Variants in ATP2C1 observed in about 807,000 individuals in gnomAD.
ATP2C1 encodes the protein ATPase secretory pathway Ca2+ transporting 1, also known as calcium-transporting ATPase type 2C member 1.
A neutral mutation model predicts 120.5 loss-of-function variants in ATP2C1; 31 were observed. The ratio of observed to expected loss-of-function variants is 0.26; its 90% CI spans 0.19 to 0.35. The LOEUF (loss-of-function observed/expected upper bound fraction) is 0.35, where lower values mean the gene tolerates loss of function less well. ATP2C1 is among the 10% of genes least tolerant of loss of function. The pLI, the probability that ATP2C1 is intolerant of heterozygous loss-of-function variation, is 1.00. For synonymous variants in ATP2C1, 351 were observed against 358.7 expected (o/e 0.98, Z 0.24); for missense variants, 731 against 1,107.5 (o/e 0.66, Z 4.83).
intron 18 of ATP2C1, among the ~76,000 whole-genome samples, chr3:130,977,802 C>T (rs2061588247): frequency 6.6e-6 from 1 of 152,136 alleles, no homozygotes. Context: ...CATCCTCCCC[C>T]TGAGATTACC....
chr3:130,863,249 G>A (rs1287901794), intron 1 of ATP2C1, among the ~76,000 whole-genome samples: 1 of 152,124 alleles, frequency 6.6e-6, no homozygotes, highest in African/African-American at 2.4e-5. Context: ...TAAATAATAT[G>A]TTGAAGATAT....
rs958183430 is a variant in ATP2C1, at chr3:130,899,326, A to C, written c.6+4551A>C. 2.0e-5 allele frequency: 3 copies of C among 152,330 alleles called. No homozygotes were observed. The South Asian group carries it at 6.2e-4, about 32-fold the overall frequency. The allele number at this position is 152,330 out of a possible 1,614,324, so 9.4% of individuals were successfully genotyped here. A position where few individuals can be genotyped will look rare whatever the true frequency, so the allele number is the denominator to read the frequency against. On this transcript the variant is annotated intron_variant, in intron 2 of 27. Transcript: ENST00000510168. ...TGGAAGCCTCACTGATAACATAAACAGTCAATTAACACATACTTTGTATGC... is the reference window on the plus strand; with the variant it reads ...TGGAAGCCTCACTGATAACATAAACCGTCAATTAACACATACTTTGTATGC...
chr3:130,968,697 A>C (rs1225933429), intron 16 of ATP2C1, among the ~76,000 whole-genome samples: 1 of 152,186 alleles, frequency 6.6e-6, no homozygotes, highest in Non-Finnish European at 1.5e-5. Flanking sequence ...GTTTCAGTAG[A>C]AAGTAGAAAG....
chr3:130,940,362 TAGTC>T (rs1165008462), intron 6 of ATP2C1, among the ~76,000 whole-genome samples: 1 of 152,246 alleles, frequency 6.6e-6, no homozygotes, highest in Non-Finnish European at 1.5e-5. Context: ...TTGGACATAC[TAGTC>T]AGTTTTCATT....
chr3:130,993,671 G>A (rs1175939665), intron 21 of ATP2C1, among the ~76,000 whole-genome samples: 1 of 152,172 alleles, frequency 6.6e-6, no homozygotes, highest in African/African-American at 2.4e-5. Flanking sequence ...AATTGCCCCT[G>A]GTTGAGAATC....
chr3:130,867,389 C>T (rs1216123977), intron 1 of ATP2C1, among the ~76,000 whole-genome samples: 5 of 151,276 alleles, frequency 3.3e-5, no homozygotes, highest in Admixed American at 1.3e-4. Flanking sequence ...GCTGCCATCT[C>T]GGCTCACTGC....
chr3:130,861,710 G>A (rs2068019695), intron 1 of ATP2C1, among the ~76,000 whole-genome samples: 1 of 151,992 alleles, frequency 6.6e-6, no homozygotes, highest in African/African-American at 2.4e-5. Flanking sequence ...CAGTAAAATT[G>A]AGACATAAAA....
intron 6 of ATP2C1, among the ~76,000 whole-genome samples, chr3:130,938,908 G>A (rs973663204): frequency 1.3e-5 from 2 of 152,098 alleles, no homozygotes; most frequent in African/African-American, 4.8e-5. Context: ...CCACAAAATT[G>A]TGATTTTAAC....
At chr3:130,954,022 A>G (rs1371193253) in intron 9 of ATP2C1, 46 bp downstream of exon 9, 7 of 1,601,528 alleles carry the variant, frequency 4.4e-6, no homozygotes, top group African/African-American at 2.7e-5. Context: ...TTTGTTTGAA[A>G]CTATTTTCTC....
Position 130,972,647 on chromosome 3 carries a change from A to G in ATP2C1, c.1414-2685A>G, listed in dbSNP as rs2061376821. ...CTCCCCCCACCCCACAACAGTCCCC[A>G]GAGTGTTCTTCCTGTGTCCATGTGT... is the stretch of plus-strand genomic sequence containing the variant. On this transcript the variant is annotated intron_variant, in intron 17 of 27. Coordinates refer to ENST00000510168, the MANE Select transcript of ATP2C1 (RefSeq NM_001378687.1). 3.5e-5 allele frequency among the ~76,000 whole-genome samples: 4 copies of G among 113,622 alleles called. No individual in the cohort carries two copies. The South Asian group carries it at 8.9e-4, about 25-fold the overall frequency. The allele number at this position is 113,622 out of a possible 152,430, so 74.5% of individuals were successfully genotyped here. A position where few individuals can be genotyped will look rare whatever the true frequency, so the allele number is the denominator to read the frequency against.
chr3:130,901,599 T>G (rs923692297), intron 2 of ATP2C1, among the ~76,000 whole-genome samples: 1 of 151,954 alleles, frequency 6.6e-6, no homozygotes, highest in African/African-American at 2.4e-5. Context: ...GAAGGTGCCA[T>G]TGATTGTGGT....
intron 1 of ATP2C1, among the ~76,000 whole-genome samples, chr3:130,874,433 TGTC>T (rs1405069419): frequency 1.3e-4 from 20 of 152,316 alleles, no homozygotes; most frequent in African/African-American, 2.4e-4. Context: ...TTTAAGTACT[TGTC>T]GTAACATTTT....
At chr3:130,918,229 T>G (rs887982931) in intron 2 of ATP2C1, 9 of 1,470,420 alleles carry the variant, frequency 6.1e-6, no homozygotes, top group Non-Finnish European at 8.5e-6. Flanking sequence ...TTACTGGGCA[T>G]GAACAAGAGC....
At chr3:130,953,605 C>T (rs2060462146) in intron 8 of ATP2C1, among the ~76,000 whole-genome samples, 1 of 152,122 alleles carries the variant, frequency 6.6e-6, no homozygotes, top group South Asian at 2.1e-4. Flanking sequence ...TCTCATGGTA[C>T]AGCATTCTAC....
At chr3:130,937,508 T>TG in intron 6 of ATP2C1, 45 bp downstream of exon 6, 2 of 1,548,030 alleles carry the variant, frequency 1.3e-6, no homozygotes, top group East Asian at 4.5e-5. Context: ...TGTTAATTGC[T>TG]TAAAAATCAA....
chr3:131,010,416 G>A (rs1248853058), intron 26 of ATP2C1, among the ~76,000 whole-genome samples: 1 of 151,642 alleles, frequency 6.6e-6, no homozygotes, highest in East Asian at 1.9e-4. Context: ...GGATGGTCTC[G>A]ATCTCCTGAC....
rs774195794 is a variant in ATP2C1 at position 130,993,988 on chromosome 3, A to C, written c.1947A>C (p.Ala649=). ...TGACAGGAGATGGAGTAAATGATGC[A>C]GTTGCTCTGAAGGCTGCAGACATTG... is the stretch of plus-strand genomic sequence containing the variant. ...VAMTGDGVND[A]VALKAADIGV... The change falls in exon 22 of 28, where the codon GCA becomes GCC. Residue 649 remains alanine, a synonymous_variant. Transcript: ENST00000510168. The C allele has an allele frequency of 2.5e-6, 4 of 1,614,124 alleles. No individual in the cohort carries two copies. In the South Asian group the frequency reaches 4.4e-5, roughly 18 times the overall value.
At chr3:130,997,188 C>T (rs1214748935) in intron 24 of ATP2C1, among the ~76,000 whole-genome samples, 1 of 152,094 alleles carries the variant, frequency 6.6e-6, no homozygotes, top group African/African-American at 2.4e-5. Flanking sequence ...AGTGTCATAA[C>T]TTTTTTAAAA....
Position 130,996,055 on chromosome 3 carries a change from A to G in ATP2C1, c.2070A>G (p.Glu690=), listed in dbSNP as rs756585837. ...TTTTAAATTTCAGGTCTGCAATCGAAGAGGGTAAAGGGATTTATAATAACA... is the reference window on the plus strand; with the variant it reads ...TTTTAAATTTCAGGTCTGCAATCGAGGAGGGTAAAGGGATTTATAATAACA... ...DDFQTIMSAI[E]EGKGIYNNIK... Residue 690 remains glutamate (E), a synonymous_variant, in exon 23 of 28, where the codon GAA becomes GAG. Transcript: ENST00000510168. 3.1e-6 allele frequency: 5 copies of G among 1,601,388 alleles called. No individual in the cohort carries two copies. In the East Asian group the frequency reaches 1.1e-4, roughly 36 times the overall value.
Sources: allele counts gnomAD v4.1 joint callset (sites outside exome capture counted in the v4.1 genomes callset), GRCh38; gene constraint gnomAD v4.1.1; transcripts MANE v1.5; gene names NCBI Gene and HGNC (gene_info 2026-07-23, HGNC 2026-07-21).